Variants in PLAGL2 observed in about 807,000 individuals in gnomAD.
The protein encoded by PLAGL2 is zinc finger protein PLAGL2.
A neutral mutation model predicts 29.0 loss-of-function variants in PLAGL2; 7 were observed. The ratio of observed to expected loss-of-function variants is 0.24; its 90% CI spans 0.14 to 0.45. The LOEUF is 0.45. Among genes scored for constraint, PLAGL2 ranks in the 20% least tolerant of loss-of-function variants. PLAGL2 has a pLI of 0.99. For synonymous variants in PLAGL2, 234 were observed against 266.0 expected, an observed-to-expected ratio of 0.88 and a Z score of 1.17; for missense variants, 454 against 648.2, an observed-to-expected ratio of 0.70 and a Z score of 3.25.
At chr20:32,206,387 C>A (rs992073646) in intron 1 of PLAGL2, among the ~76,000 whole-genome samples, 2 of 152,208 alleles carry the variant, frequency 1.3e-5, no homozygotes, top group African/African-American at 4.8e-5. Flanking sequence ...GCTGCTAATT[C>A]TTCTGTCAGT....
At chr20:32,201,353 G>A (rs2047258396) in intron 2 of PLAGL2, among the ~76,000 whole-genome samples, 1 of 152,188 alleles carries the variant, frequency 6.6e-6, no homozygotes. Context: ...GGGAAGCCAA[G>A]GCAGGAGGAT....
In PLAGL2 at chr20:32,202,228, G is replaced by T; in HGVS notation, c.-50C>A. The T allele has an allele frequency of 6.3e-7, 1 of 1,587,552 alleles. No individual in the cohort carries two copies. The highest frequency in any genetic ancestry group is 8.6e-7 in the Non-Finnish European group (1 of 1,159,808). ...TGTTATTGAGAAAGCCTCCCCATCCGCTCCACACAGGCTCTCAGCTCTGTC... is the reference window on the plus strand; with the variant it reads ...TGTTATTGAGAAAGCCTCCCCATCCTCTCCACACAGGCTCTCAGCTCTGTC... On this transcript the variant is annotated 5_prime_UTR_variant, in exon 2 of 3. Coordinates refer to ENST00000246229, the MANE Select transcript of PLAGL2 (RefSeq NM_002657.3).
At position 32,197,217 on chromosome 20, in the gene PLAGL2, G is replaced by C; in HGVS notation, c.726C>G (p.His242Gln). The part of the protein sequence containing the change: ...DHLTRHVKKS[H>Q]SQELLKIKTE... ...TCTTGATCTTGAGCAGCTCCTGCGA[G>C]TGGCTCTTCTTGACATGACGCGTCA... The change falls in exon 3 of 3, where the codon CAC becomes CAG. Residue 242 changes from histidine (H) to glutamine (Q), a missense_variant. Coordinates refer to ENST00000246229, the MANE Select transcript of PLAGL2 (RefSeq NM_002657.3). The surrounding 1 kb of genome is among the most constrained non-coding windows in gnomAD (Gnocchi z 6.6). 6.2e-7 allele frequency: 1 copy of C among 1,614,244 alleles called. No homozygotes were observed. The highest frequency in any genetic ancestry group is 8.5e-7 in the Non-Finnish European group (1 of 1,180,048).
At chr20:32,198,733 C>G (rs1205214748) in intron 2 of PLAGL2, among the ~76,000 whole-genome samples, 1 of 152,152 alleles carries the variant, frequency 6.6e-6, no homozygotes, top group Non-Finnish European at 1.5e-5. Context: ...GTGATACAAT[C>G]TGTTTTGAAA....
chr20:32,202,790 G>C (rs1439176585), intron 1 of PLAGL2, among the ~76,000 whole-genome samples: 1 of 152,238 alleles, frequency 6.6e-6, no homozygotes, highest in Admixed American at 6.5e-5. Context: ...AAAGGCAAGA[G>C]AGGAGGAAGG....
Position 32,194,079 on chromosome 20 carries a change from G to C in PLAGL2, c.*2373C>G, listed in dbSNP as rs551235571. ...CTATGACTTTTCCAGCATCACTTAC[G>C]GGGAGAGAGAATTCGAGGGAGGGAC... On this transcript the variant is annotated 3_prime_UTR_variant, in exon 3 of 3. Transcript: ENST00000246229. The C allele has an allele frequency of 6.6e-6, 1 of 152,626 alleles. No homozygotes were observed. The highest frequency in any genetic ancestry group is 1.5e-5 in the Non-Finnish European group (1 of 68,126). The allele number at this position is 152,626 out of a possible 1,614,324, so 9.5% of individuals were successfully genotyped here.
chr20:32,204,939 A>T (rs554948516), intron 1 of PLAGL2, among the ~76,000 whole-genome samples: 1 of 152,242 alleles, frequency 6.6e-6, no homozygotes, highest in Non-Finnish European at 1.5e-5. Context: ...TTTCAGCCTA[A>T]GATTCTTTCT....
At chr20:32,199,705 T>C (rs2047249139) in intron 2 of PLAGL2, among the ~76,000 whole-genome samples, 1 of 152,030 alleles carries the variant, frequency 6.6e-6, no homozygotes. Context: ...GGTGTGGTGG[T>C]GGTACATGCC....
At chr20:32,201,555 C>T (rs1210048086) in intron 2 of PLAGL2, among the ~76,000 whole-genome samples, 4 of 152,160 alleles carry the variant, frequency 2.6e-5, no homozygotes, top group Non-Finnish European at 4.4e-5. Context: ...GTACTCTAGC[C>T]TGGATGACAG....
chr20:32,197,885 T>C lies in PLAGL2; in HGVS notation c.261-203A>G, dbSNP rs893222322. Among the ~76,000 whole-genome samples the C allele has an allele frequency of 6.6e-6, 1 of 152,222 alleles. No individual in the cohort carries two copies. The highest frequency in any genetic ancestry group is 1.9e-4 in the East Asian group (1 of 5,200). On this transcript the variant is annotated intron_variant, in intron 2 of 2. Transcript: ENST00000246229. This position sits in a 1 kb window ranked among gnomAD's most constrained non-coding sequence, Gnocchi z 6.6. ...ATGTGTACCGACATTCTTTGCAGCA[T>C]TGCTTGTAGTAGCAAAAAAAATCAG...
At chr20:32,205,858 A>T (rs1056487333) in intron 1 of PLAGL2, among the ~76,000 whole-genome samples, 1 of 152,250 alleles carries the variant, frequency 6.6e-6, no homozygotes, top group African/African-American at 2.4e-5. Flanking sequence ...ACTCCCCCCT[A>T]AAAAACAGTT....
chr20:32,207,416 G>C (rs1293401988), intron 1 of PLAGL2, among the ~76,000 whole-genome samples: 1 of 152,116 alleles, frequency 6.6e-6, no homozygotes, highest in Non-Finnish European at 1.5e-5. Flanking sequence ...GGCTTCCTCG[G>C]GTCCCCCAGA....
chr20:32,196,622 A>G lies in PLAGL2; in HGVS notation c.1321T>C (p.Tyr441His). Residue 441 changes from tyrosine to histidine, a missense_variant, in exon 3 of 3, where the codon TAC becomes CAC. Physicochemically the swap from Tyr to His is moderately conservative, Grantham distance 83. Around this residue, in one of 4 missense-constraint regions of PLAGL2, gnomAD observed 247 missense variants for 350.3 expected, o/e 0.71. Coordinates refer to ENST00000246229, the MANE Select transcript of PLAGL2 (RefSeq NM_002657.3). ...PGATGGLVMGYSQAEAQPLLT... is the reference protein window; with the variant it reads ...PGATGGLVMGHSQAEAQPLLT... The stretch of plus-strand genomic sequence containing the variant: ...AGGGGCTGTGCCTCAGCCTGGGAGT[A>G]GCCCATGACCAGGCCTCCTGTGGCC... 6.5e-7 allele frequency: 1 copy of G among 1,530,100 alleles called. No individual in the cohort carries two copies. Among genetic ancestry groups the G allele is most frequent in the Non-Finnish European group, 8.8e-7 (1 of 1,141,692 alleles). The allele number at this position is 1,530,100 out of a possible 1,614,324, so 94.8% of individuals were successfully genotyped here.
At position 32,202,100 on chromosome 20, in the gene PLAGL2, G is replaced by A. The variant is rs2047262955; in HGVS notation, c.79C>T (p.Pro27Ser). ...QEEEVGWKLVPRPRGREAESQ... is the reference protein window; with the variant it reads ...QEEEVGWKLVSRPRGREAESQ... ...TCCGCCTCCCGGCCCCGAGGCCTGGGAACTAGTTTCCAGCCCACTTCCTCC... is the reference window on the plus strand; with the variant it reads ...TCCGCCTCCCGGCCCCGAGGCCTGGAAACTAGTTTCCAGCCCACTTCCTCC... The change falls in exon 2 of 3, where the codon CCC (proline) becomes TCC (serine). Residue 27 changes from proline (P) to serine (S), a missense_variant. This residue lies in a region of PLAGL2 where 89 missense variants were observed against 90.4 expected (regional missense o/e 0.98). Transcript: ENST00000246229. 2 of 1,614,002 alleles carry A rather than the reference G, an allele frequency of 1.2e-6. No individual in the cohort carries two copies. Among genetic ancestry groups the A allele is most frequent in the South Asian group, 1.1e-5 (1 of 91,090 alleles).
intron 1 of PLAGL2, among the ~76,000 whole-genome samples, chr20:32,205,354 C>T (rs1211194296): frequency 6.6e-6 from 1 of 152,182 alleles, no homozygotes; most frequent in Non-Finnish European, 1.5e-5. Flanking sequence ...CTCGGCACAT[C>T]CCCTTTAAAG....
Position 32,197,111 on chromosome 20 carries a change from T to C in PLAGL2, c.832A>G (p.Met278Val). The part of the protein sequence containing the change: ...VKEELSPVLC[M>V]ASRDVMGTKA... ...GTCCCCATTACGTCCCGAGAGGCCATGCACAGCACAGGGCTCAGCTCTTCC... is the reference window on the plus strand; with the variant it reads ...GTCCCCATTACGTCCCGAGAGGCCACGCACAGCACAGGGCTCAGCTCTTCC... The change falls in exon 3 of 3, where the codon ATG (methionine) becomes GTG (valine). Residue 278 changes from methionine to valine, a missense_variant. Transcript: ENST00000246229. The surrounding 1 kb of genome is among the most constrained non-coding windows in gnomAD (Gnocchi z 6.6). 4.3e-6 allele frequency: 7 copies of C among 1,614,198 alleles called. No homozygotes were observed. Among genetic ancestry groups the C allele is most frequent in the Non-Finnish European group, 5.1e-6 (6 of 1,180,032 alleles).
chr20:32,196,704 G>A lies in PLAGL2; in HGVS notation c.1239C>T (p.Asp413=), dbSNP rs766870613. The change falls in exon 3 of 3, where the codon GAC becomes GAT. Residue 413 remains aspartate (D), a synonymous_variant. Transcript: ENST00000246229. ...GAAGAAAGCCCAGTAGGTGGGAGAA[G>A]TCCACATTAGCAGCGCAGAGGGCCT... ...LSEALCAANV[D]FSHLLGFLPL... 1 of 1,561,442 alleles carries A rather than the reference G, an allele frequency of 6.4e-7. No individual in the cohort carries two copies. The highest frequency in any genetic ancestry group is 8.7e-7 in the Non-Finnish European group (1 of 1,153,272).
Position 32,197,516 on chromosome 20 carries a change from G to A in PLAGL2, c.427C>T (p.Arg143Trp). The A allele has an allele frequency of 4.3e-6, 7 of 1,614,148 alleles. No homozygotes were observed. The highest frequency in any genetic ancestry group is 5.9e-6 in the Non-Finnish European group (7 of 1,180,044). Residue 143 changes from arginine to tryptophan, a missense_variant, in exon 3 of 3, where the codon CGG (arginine) becomes TGG (tryptophan). By Grantham distance (101) the Arg-to-Trp change is moderately radical. Transcript: ENST00000246229. The surrounding 1 kb of genome is among the most constrained non-coding windows in gnomAD (Gnocchi z 6.6). The part of the protein sequence containing the change: ...GKNYNTKLGY[R>W]RHLAMHAASS... ...GCAGCATGCATGGCCAGGTGGCGCC[G>A]GTAGCCCAGCTTCGTATTGTAATTC...
chr20:32,206,361 T>C (rs1158524361), intron 1 of PLAGL2, among the ~76,000 whole-genome samples: 2 of 151,692 alleles, frequency 1.3e-5, no homozygotes, highest in African/African-American at 4.9e-5. Flanking sequence ...TTAACAGGGG[T>C]TGGATTTACT....
Sources: allele counts gnomAD v4.1 joint callset (sites outside exome capture counted in the v4.1 genomes callset), GRCh38; gene constraint gnomAD v4.1.1; regional missense constraint gnomAD v4.1.1; non-coding constraint Gnocchi (gnomAD v3.1); transcripts MANE v1.5; gene names NCBI Gene and HGNC (gene_info 2026-07-23, HGNC 2026-07-21).